ITGB2: variants seen among roughly 807,000 people sequenced by gnomAD.
ITGB2 encodes integrin beta-2.
In ITGB2, 56 loss-of-function variants were observed where a neutral mutation model predicts 86.8. The observed-to-expected ratio is 0.65, with a 90% confidence interval of 0.52 to 0.81. The LOEUF (loss-of-function observed/expected upper bound fraction) is 0.81, where lower values mean the gene tolerates loss of function less well. Ranked by LOEUF, ITGB2 falls within the 30% of genes least tolerant of loss-of-function variation. ITGB2 has a pLI of 0.00. For missense variants in ITGB2, 948 were observed against 1,061.2 expected, an observed-to-expected ratio of 0.89 and a Z score of 1.48; for synonymous variants, 457 against 450.4, an observed-to-expected ratio of 1.01 and a Z score of -0.19.
chr21:44,909,171 G>A (rs2084091377), intron 3 of ITGB2: 1 of 152,270 alleles, frequency 6.6e-6, no homozygotes, highest in Non-Finnish European at 1.5e-5. Context: ...AGCCCACAGT[G>A]GCTGCGAGGG....
intron 15 of ITGB2, 80 bp from the exon 16 acceptor site, chr21:44,886,510 C>A: frequency 6.7e-7 from 1 of 1,503,368 alleles, no homozygotes; most frequent in East Asian, 2.3e-5. Flanking sequence ...ACACTCCCCG[C>A]ATGGAAGCCG....
upstream of ITGB2, among the ~76,000 whole-genome samples, chr21:44,925,015 A>G (rs1209118794): frequency 6.6e-6 from 1 of 152,238 alleles, no homozygotes; most frequent in Non-Finnish European, 1.5e-5. Flanking sequence ...TTTACTAAAA[A>G]GGAAGAAAAA....
intron 6 of ITGB2, 43 bp from the exon 7 acceptor site, chr21:44,900,518 C>A (rs771315234): frequency 6.2e-7 from 1 of 1,610,564 alleles, no homozygotes; most frequent in South Asian, 1.1e-5. Context: ...GCCTCAGTTT[C>A]CCAGACCCGG....
At chr21:44,910,632 G>C in intron 2 of ITGB2, 93 bp downstream of exon 2, 1 of 1,497,542 alleles carries the variant, frequency 6.7e-7, no homozygotes, top group Non-Finnish European at 9.2e-7. Context: ...CAGCCTCCCG[G>C]GAACTTCTGT....
chr21:44,895,984 G>A (rs991588733), intron 8 of ITGB2, among the ~76,000 whole-genome samples: 1 of 152,188 alleles, frequency 6.6e-6, no homozygotes, highest in African/African-American at 2.4e-5. Flanking sequence ...GCATTGTCCA[G>A]GCCTGCCCGT....
At chr21:44,923,699 T>C (rs1382507686), upstream of ITGB2, among the ~76,000 whole-genome samples, 1 of 152,182 alleles carries the variant, frequency 6.6e-6, no homozygotes, top group African/African-American at 2.4e-5. Flanking sequence ...TTTGGAGAAG[T>C]TGGTGGTGAT....
At position 44,907,080 on chromosome 21, in the gene ITGB2, C is replaced by T. The variant is rs778653538; in HGVS notation, c.163G>A (p.Gly55Arg). The T allele has an allele frequency of 1.2e-6, 2 of 1,604,060 alleles. No individual in the cohort carries two copies. The highest frequency in any genetic ancestry group is 1.7e-6 in the Non-Finnish European group (2 of 1,173,084). ...WCQKLNFTGP[G>R]DPDSIRCDTR... ...TCGCAGCGAATGGAGTCAGGATCCC[C>T]CGGCCCTGTGAAGTTCTGGGGAGGG... Residue 55 changes from glycine (G) to arginine (R), a missense_variant, in exon 4 of 16, where the codon GGG (glycine) becomes AGG (arginine). Transcript: ENST00000652462.
chr21:44,894,853 C>G, intron 9 of ITGB2, 118 bp downstream of exon 9: 1 of 780,356 alleles, frequency 1.3e-6, no homozygotes, highest in Admixed American at 1.9e-5. Flanking sequence ...AGCTGGCCCA[C>G]GGGGCAGGGG....
At chr21:44,924,109 A>G (rs1042512114), upstream of ITGB2, among the ~76,000 whole-genome samples, 8 of 152,110 alleles carry the variant, frequency 5.3e-5, no homozygotes, top group African/African-American at 1.9e-4. Context: ...CCAAACAGCA[A>G]ATATCTCTAA....
intron 10 of ITGB2, 164 bp downstream of exon 10, chr21:44,893,240 G>A (rs1454793642): frequency 4.0e-6 from 3 of 754,152 alleles, no homozygotes; most frequent in African/African-American, 3.5e-5. Flanking sequence ...TCTGATGCCT[G>A]TGTGCCCCTC....
At chr21:44,894,716 A>T (rs1010095116) in intron 9 of ITGB2, 1 of 536,416 alleles carries the variant, frequency 1.9e-6, no homozygotes, top group Non-Finnish European at 3.4e-6. Flanking sequence ...AGAGTCTGGA[A>T]TGAAGAGTCC....
intron 12 of ITGB2, 43 bp from the exon 13 acceptor site, chr21:44,889,538 G>A: frequency 6.6e-7 from 1 of 1,519,430 alleles, no homozygotes. Flanking sequence ...CTTGGCCTGG[G>A]AACCGAGACC....
intron 6 of ITGB2, 116 bp downstream of exon 6, chr21:44,901,376 G>T: frequency 1.5e-6 from 2 of 1,338,054 alleles, no homozygotes; most frequent in Non-Finnish European, 2.0e-6. Flanking sequence ...CCAGGCCCAG[G>T]CTGGAGTCCC....
chr21:44,887,813 G>A (rs1187365029), intron 14 of ITGB2, among the ~76,000 whole-genome samples: 1 of 152,212 alleles, frequency 6.6e-6, no homozygotes, highest in African/African-American at 2.4e-5. Flanking sequence ...AGGCCCACAT[G>A]TGGGTTGTGA....
At chr21:44,889,001 G>A in intron 13 of ITGB2, 106 bp from the exon 14 acceptor site, 1 of 960,518 alleles carries the variant, frequency 1.0e-6, no homozygotes, top group Non-Finnish European at 1.6e-6. Context: ...GTGGGGTTGG[G>A]GCGCCCTCAG....
At position 44,897,872 on chromosome 21, in the gene ITGB2, C is replaced by T. The variant is rs943971717; in HGVS notation, c.993+1195G>A. Among the ~76,000 whole-genome samples, 4 of 152,328 alleles carry T rather than the reference C, an allele frequency of 2.6e-5. No individual in the cohort carries two copies. In the East Asian group the frequency reaches 5.8e-4, roughly 22 times the overall value. ...CACACACTGTGCAGGCTGCTATGGG[C>T]GGAGGCTCCTTTCAGGAGGGCGTGC... On this transcript the variant is annotated intron_variant, in intron 8 of 15. Transcript: ENST00000652462.
chr21:44,918,469 A>G lies in ITGB2; in HGVS notation c.-4+2352T>C, dbSNP rs113935861. The stretch of plus-strand genomic sequence containing the variant: ...GTGAGTTCAAGTTACACGGTTGACT[A>G]TAGAGACAGCTGGAGTGCGCACAAT... On this transcript the variant is annotated intron_variant, in intron 1 of 15. Coordinates refer to ENST00000652462, the MANE Select transcript of ITGB2 (RefSeq NM_000211.5). 3.2e-4 allele frequency among the ~76,000 whole-genome samples: 49 copies of G among 152,344 alleles called. 1 individual carries two copies. The highest frequency in any genetic ancestry group is 1.2e-3 in the African/African-American group (48 of 41,586).
intron 11 of ITGB2, among the ~76,000 whole-genome samples, chr21:44,891,374 G>A (rs146233921): frequency 3.3e-3 from 498 of 152,330 alleles, no homozygotes; most frequent in Non-Finnish European, 5.6e-3. Context: ...CTGCCAGCCT[G>A]ATGGCCTTGG....
In ITGB2 at chr21:44,901,746, T is replaced by A; in HGVS notation, c.500-13A>T. ...AAGGACCCGAAGCCTGCAGGGCACA[T>A]GGAGGGGCTGGGGAGGTGGCAGGCT... is the stretch of plus-strand genomic sequence containing the variant. On this transcript the variant is annotated splice_polypyrimidine_tract_variant and intron_variant, in intron 5 of 15. Coordinates refer to ENST00000652462, the MANE Select transcript of ITGB2 (RefSeq NM_000211.5). The A allele has an allele frequency of 6.2e-7, 1 of 1,603,624 alleles. No individual in the cohort carries two copies. The highest frequency in any genetic ancestry group is 1.7e-5 in the Admixed American group (1 of 59,830).
Sources: allele counts gnomAD v4.1 joint callset (sites outside exome capture counted in the v4.1 genomes callset), GRCh38; gene constraint gnomAD v4.1.1; transcripts MANE v1.5; gene names NCBI Gene and HGNC (gene_info 2026-07-23, HGNC 2026-07-21).